BABAM2: variants seen among roughly 807,000 people sequenced by gnomAD.
The protein encoded by BABAM2 is BRISC and BRCA1-A complex member 2.
In BABAM2, 31 loss-of-function variants were observed where a neutral mutation model predicts 54.7. That is an observed-to-expected ratio of 0.57 (90% confidence interval 0.43 to 0.77). The LOEUF is 0.77. Ranked by LOEUF, BABAM2 falls within the 30% of genes least tolerant of loss-of-function variation. The pLI is 0.00. For missense variants in BABAM2, 364 were observed against 455.8 expected (o/e 0.80, Z 1.83); for synonymous variants, 167 against 162.9 (o/e 1.03, Z -0.19).
upstream of BABAM2, chr2:27,890,403 G>A (rs1664720011): frequency 6.6e-7 from 1 of 1,524,346 alleles, no homozygotes; most frequent in African/African-American, 1.4e-5. The surrounding 1 kb of genome is among the most constrained non-coding windows in gnomAD (Gnocchi z 4.8). Flanking sequence ...GCCCGACCCC[G>A]TAACCAGAGA....
chr2:28,150,256 A>G (rs1671895900), intron 7 of BABAM2, among the ~76,000 whole-genome samples: 1 of 152,246 alleles, frequency 6.6e-6, no homozygotes. Context: ...AGTGAAAAGT[A>G]GAGGGAATAT....
chr2:28,132,072 A>C (rs1219751885), intron 7 of BABAM2, among the ~76,000 whole-genome samples: 2 of 152,060 alleles, frequency 1.3e-5, no homozygotes, highest in Non-Finnish European at 2.9e-5. Context: ...ATATTTTAAA[A>C]GTCATTTTTC....
intron 7 of BABAM2, among the ~76,000 whole-genome samples, chr2:28,210,270 T>C (rs1295902951): frequency 1.3e-5 from 2 of 152,232 alleles, no homozygotes; most frequent in African/African-American, 4.8e-5. Flanking sequence ...AGCCTGGTCC[T>C]ATAACTTGGA....
At chr2:28,209,351 G>A (rs541123732) in intron 7 of BABAM2, among the ~76,000 whole-genome samples, 31 of 152,250 alleles carry the variant, frequency 2.0e-4, no homozygotes, top group Non-Finnish European at 4.3e-4. Flanking sequence ...TTACCTATTA[G>A]CAATCTGCTA....
chr2:28,104,851 G>A (rs937492550), intron 6 of BABAM2, among the ~76,000 whole-genome samples: 44 of 152,254 alleles, frequency 2.9e-4, no homozygotes, highest in East Asian at 7.7e-4. Context: ...ATGGAATACT[G>A]TGCAGCCATA....
At chr2:28,057,352 G>A (rs1270878835) in intron 6 of BABAM2, among the ~76,000 whole-genome samples, 1 of 152,172 alleles carries the variant, frequency 6.6e-6, no homozygotes, top group Non-Finnish European at 1.5e-5. Flanking sequence ...CTTCATATCA[G>A]CTTTTTGGAT....
chr2:27,930,580 A>G (rs1200910800), intron 3 of BABAM2, among the ~76,000 whole-genome samples: 1 of 152,182 alleles, frequency 6.6e-6, no homozygotes, highest in East Asian at 1.9e-4. Context: ...TCAGTTTTAG[A>G]TGTTGCTACT....
chr2:28,022,098 G>A (rs1204825724), intron 4 of BABAM2, among the ~76,000 whole-genome samples: 3 of 152,174 alleles, frequency 2.0e-5, no homozygotes, highest in Admixed American at 2.0e-4. Context: ...AGTCTGCGGA[G>A]CTATTGATAT....
intron 6 of BABAM2, among the ~76,000 whole-genome samples, chr2:28,081,932 C>T (rs968897198): frequency 6.6e-6 from 1 of 152,118 alleles, no homozygotes; most frequent in African/African-American, 2.4e-5. Flanking sequence ...ATCTACTATG[C>T]ATAAGAACTA....
intron 6 of BABAM2, among the ~76,000 whole-genome samples, chr2:28,057,282 T>C (rs776305919): frequency 6.6e-6 from 1 of 152,234 alleles, no homozygotes; most frequent in Non-Finnish European, 1.5e-5. Flanking sequence ...CATACTTCCT[T>C]GTCTTACTAA....
chr2:28,072,000 A>G (rs1664186317), intron 6 of BABAM2, among the ~76,000 whole-genome samples: 1 of 152,118 alleles, frequency 6.6e-6, no homozygotes, highest in African/African-American at 2.4e-5. Flanking sequence ...TCTGAAACTA[A>G]ACATTTTTTT....
chr2:27,985,886 CT>C (rs1672362485), intron 3 of BABAM2, among the ~76,000 whole-genome samples: 1 of 152,112 alleles, frequency 6.6e-6, no homozygotes, highest in Admixed American at 6.6e-5. Flanking sequence ...CAATATAAGA[CT>C]ACTTACAACT....
chr2:28,178,715 G>A (rs1487366951), intron 7 of BABAM2, among the ~76,000 whole-genome samples: 2 of 146,258 alleles, frequency 1.4e-5, no homozygotes, highest in African/African-American at 2.5e-5. Flanking sequence ...TTTTTAAAAA[G>A]ATGAACAGCA....
At chr2:27,985,615 C>T (rs1255006735) in intron 3 of BABAM2, among the ~76,000 whole-genome samples, 2 of 151,986 alleles carry the variant, frequency 1.3e-5, no homozygotes, top group Admixed American at 6.6e-5. Context: ...TCTATTTGTG[C>T]TGTACTTTCC....
intron 7 of BABAM2, among the ~76,000 whole-genome samples, chr2:28,212,841 C>G (rs1172240999): frequency 1.7e-5 from 1 of 59,446 alleles, no homozygotes; most frequent in East Asian, 4.9e-4. Context: ...TTCCTGAAAT[C>G]ATAAAATCTT....
Position 28,289,975 on chromosome 2 carries a change from T to A in BABAM2, c.935-8363T>A, listed in dbSNP as rs150129782. Among the ~76,000 whole-genome samples the A allele has an allele frequency of 2.9e-3, 437 of 152,268 alleles. 1 individual carries two copies. The highest frequency in any genetic ancestry group is 9.8e-3 in the African/African-American group (408 of 41,542). On this transcript the variant is annotated intron_variant, in intron 10 of 11. Transcript: ENST00000379624. Reference sequence around the variant, plus strand: ...CACCCACAGAGGTAACCACTACCCTTAATTTGGTGTATATCTTTCCTATGC... The same window carrying A: ...CACCCACAGAGGTAACCACTACCCTAAATTTGGTGTATATCTTTCCTATGC...
intron 11 of BABAM2, among the ~76,000 whole-genome samples, chr2:28,319,282 G>T (rs867500633): frequency 6.6e-6 from 1 of 152,178 alleles, no homozygotes; most frequent in Non-Finnish European, 1.5e-5. Context: ...CAAAGAAAAG[G>T]CTCCCCCTTT....
intron 3 of BABAM2, among the ~76,000 whole-genome samples, chr2:27,937,416 G>C (rs1293446327): frequency 6.6e-6 from 1 of 152,122 alleles, no homozygotes; most frequent in African/African-American, 2.4e-5. Context: ...ATGAGCCACC[G>C]CACCCAGCCT....
chr2:28,254,600 A>C (rs1480380566), intron 10 of BABAM2, among the ~76,000 whole-genome samples: 1 of 152,020 alleles, frequency 6.6e-6, no homozygotes, highest in Non-Finnish European at 1.5e-5. Context: ...CCCATATCGC[A>C]GTTTGAATAC....
Sources: gnomAD v4.1 joint callset for allele counts (sites outside exome capture counted in the v4.1 genomes callset) on GRCh38, gnomAD v4.1.1 for gene constraint, Gnocchi (gnomAD v3.1) non-coding constraint, MANE v1.5 for transcripts, NCBI Gene and HGNC (gene_info 2026-07-23, HGNC 2026-07-21) for gene names.